The following NEK11 variants were observed in gnomAD, a reference collection of about 807,000 sequenced individuals.
NEK11 encodes the protein NIMA related kinase 11, also known as serine/threonine-protein kinase Nek11.
A neutral mutation model predicts 80.7 loss-of-function variants in NEK11; 72 were observed. The ratio of observed to expected loss-of-function variants is 0.89; its 90% CI spans 0.74 to 1.08. The LOEUF is 1.08. Among genes scored for constraint, NEK11 ranks in the 50% least tolerant of loss-of-function variants. NEK11 has a pLI of 0.00. For missense variants in NEK11, 764 were observed against 763.6 expected (o/e 1.00, Z -0.01); for synonymous variants, 251 against 260.7 (o/e 0.96, Z 0.36).
Position 131,349,755 on chromosome 3 carries a change from T to C in NEK11, c.1917T>C (p.Pro639=), listed in dbSNP as rs775742259. ...TGCTGATCACGATGGGAAAAGAACCTACTCTCCAGAACCATCTCTAGGCAA... is the reference window on the plus strand; with the variant it reads ...TGCTGATCACGATGGGAAAAGAACCCACTCTCCAGAACCATCTCTAGGCAA... The part of the protein sequence containing the change: ...EQLLITMGKE[P]TLQNHL The change falls in exon 18 of 18, where the codon CCT becomes CCC. Residue 639 remains proline (P), a synonymous_variant. Transcript: ENST00000383366. 4 of 1,613,904 alleles carry C rather than the reference T, an allele frequency of 2.5e-6. No individual in the cohort carries two copies. The highest frequency in any genetic ancestry group is 1.6e-4 in the Middle Eastern group (1 of 6,062).
At chr3:131,104,475 G>A (rs535020128) in intron 4 of NEK11, among the ~76,000 whole-genome samples, 2 of 152,242 alleles carry the variant, frequency 1.3e-5, no homozygotes, top group East Asian at 1.9e-4. Context: ...AGGACAGCAG[G>A]GGCAGGGGCT....
intron 16 of NEK11, among the ~76,000 whole-genome samples, chr3:131,263,070 G>T (rs1237831034): frequency 6.6e-6 from 1 of 151,882 alleles, no homozygotes; most frequent in African/African-American, 2.4e-5. Context: ...TAAGTTCTAG[G>T]GTATATGTAC....
At chr3:131,143,839 A>AT (rs2087526135) in intron 7 of NEK11, among the ~76,000 whole-genome samples, 1 of 152,160 alleles carries the variant, frequency 6.6e-6, no homozygotes, top group African/African-American at 2.4e-5. Context: ...AAAGACTTTC[A>AT]TTTAGGGTGA....
At chr3:131,292,218 T>C (rs977206798) in intron 17 of NEK11, among the ~76,000 whole-genome samples, 3 of 152,226 alleles carry the variant, frequency 2.0e-5, no homozygotes, top group African/African-American at 7.2e-5. Context: ...CTGTCAAAGA[T>C]CAATTGACTA....
At chr3:131,074,249 T>C (rs1385038557) in intron 3 of NEK11, among the ~76,000 whole-genome samples, 1 of 151,828 alleles carries the variant, frequency 6.6e-6, no homozygotes, top group Non-Finnish European at 1.5e-5. Flanking sequence ...AATGGGAGGG[T>C]TCCTCATGCT....
intron 4 of NEK11, among the ~76,000 whole-genome samples, chr3:131,087,402 C>G (rs1278715235): frequency 6.6e-6 from 1 of 151,916 alleles, no homozygotes; most frequent in African/African-American, 2.4e-5. Flanking sequence ...TGCCACCACG[C>G]CCAGCTAATT....
intron 7 of NEK11, among the ~76,000 whole-genome samples, chr3:131,142,576 CAGTT>C (rs2149707069): frequency 6.6e-6 from 1 of 152,308 alleles, no homozygotes; most frequent in South Asian, 2.1e-4. Context: ...GAGTAAATAA[CAGTT>C]GGTTATGTAA....
intron 17 of NEK11, among the ~76,000 whole-genome samples, chr3:131,323,508 CCTCT>C (rs1369333982): frequency 6.6e-6 from 1 of 152,222 alleles, no homozygotes; most frequent in Non-Finnish European, 1.5e-5. Flanking sequence ...CCCCCATCTT[CCTCT>C]CTTTCTGGAA....
chr3:131,247,839 GTTTTT>G (rs34755844), intron 16 of NEK11, among the ~76,000 whole-genome samples: 1 of 143,444 alleles, frequency 7.0e-6, no homozygotes, highest in Non-Finnish European at 1.5e-5. Context: ...TATTCCTAGG[GTTTTT>G]TTTTTTTTGT....
At chr3:131,114,154 C>A (rs1419436811) in intron 5 of NEK11, among the ~76,000 whole-genome samples, 1 of 152,008 alleles carries the variant, frequency 6.6e-6, no homozygotes, top group Non-Finnish European at 1.5e-5. Flanking sequence ...TGTTTCACTT[C>A]TGTTGGTTTT....
At chr3:131,317,022 T>C (rs1397864578) in intron 17 of NEK11, among the ~76,000 whole-genome samples, 1 of 152,200 alleles carries the variant, frequency 6.6e-6, no homozygotes, top group Non-Finnish European at 1.5e-5. Context: ...TTGAGATGCT[T>C]GCAAGCTTGG....
chr3:131,193,794 C>G (rs1579929815), intron 14 of NEK11, among the ~76,000 whole-genome samples: 1 of 152,132 alleles, frequency 6.6e-6, no homozygotes, highest in East Asian at 1.9e-4. Context: ...TGATGAAGTA[C>G]AATCATTTAC....
intron 11 of NEK11, among the ~76,000 whole-genome samples, chr3:131,164,692 A>C (rs1262822156): frequency 1.3e-5 from 2 of 152,254 alleles, no homozygotes; most frequent in African/African-American, 2.4e-5. Flanking sequence ...GGTTTTAAAT[A>C]AAGTTTGGTC....
At chr3:131,058,802 C>G (rs2070207383) in intron 3 of NEK11, among the ~76,000 whole-genome samples, 1 of 152,150 alleles carries the variant, frequency 6.6e-6, no homozygotes, top group Non-Finnish European at 1.5e-5. Flanking sequence ...TCCTCACAGA[C>G]AAGTCTGTCT....
rs114121172 is a variant in NEK11, at chr3:131,289,152, C to A, written c.1718+15578C>A. ...AGGTTTGGTTTCTCCTCAGGGCTCT[C>A]TCCTTAGCTTACAGATGGCTGTCTT... On this transcript the variant is annotated intron_variant, in intron 17 of 17. Transcript: ENST00000383366. 4.6e-3 allele frequency among the ~76,000 whole-genome samples: 702 copies of A among 152,320 alleles called. 11 individuals carry two copies. Among genetic ancestry groups the A allele is most frequent in the African/African-American group, 0.016 (668 of 41,576 alleles).
intron 9 of NEK11, among the ~76,000 whole-genome samples, chr3:131,153,075 GAC>G (rs1253097223): frequency 3.9e-5 from 6 of 152,166 alleles, no homozygotes; most frequent in Non-Finnish European, 8.8e-5. Context: ...AACAGAGTGA[GAC>G]TCTGTCTCAA....
intron 14 of NEK11, among the ~76,000 whole-genome samples, chr3:131,223,409 T>C (rs2095089921): frequency 6.6e-6 from 1 of 152,112 alleles, no homozygotes; most frequent in African/African-American, 2.4e-5. Context: ...CTTCCCCTTC[T>C]AGGAGGAAAT....
At chr3:131,332,284 T>A (rs1255131198) in intron 17 of NEK11, among the ~76,000 whole-genome samples, 1 of 149,568 alleles carries the variant, frequency 6.7e-6, no homozygotes, top group African/African-American at 2.5e-5. Context: ...AGAGGAACGA[T>A]CAGACAGCAG....
intron 3 of NEK11, among the ~76,000 whole-genome samples, chr3:131,069,252 T>A (rs1250817173): frequency 6.6e-6 from 1 of 152,240 alleles, no homozygotes; most frequent in African/African-American, 2.4e-5. Flanking sequence ...GAAATGGAGC[T>A]AATCAGCTTT....
Sources: allele counts gnomAD v4.1 joint callset (sites outside exome capture counted in the v4.1 genomes callset), GRCh38; gene constraint gnomAD v4.1.1; transcripts MANE v1.5; gene names NCBI Gene and HGNC (gene_info 2026-07-23, HGNC 2026-07-21).